The following SLC10A7 variants were observed in gnomAD, a reference collection of about 807,000 sequenced individuals.
SLC10A7 encodes the protein solute carrier family 10 member 7.
A neutral mutation model predicts 43.2 loss-of-function variants in SLC10A7; 29 were observed. That is an observed-to-expected ratio of 0.67 (90% CI 0.50 to 0.92). The LOEUF (loss-of-function observed/expected upper bound fraction) is 0.92, where lower values mean the gene tolerates loss of function less well. Ranked by LOEUF, SLC10A7 falls within the 40% of genes least tolerant of loss-of-function variation. The pLI is 0.00. For synonymous variants in SLC10A7, 152 were observed against 144.8 expected, an observed-to-expected ratio of 1.05 and a Z score of -0.35; for missense variants, 295 against 403.2, an observed-to-expected ratio of 0.73 and a Z score of 2.30.
intron 5 of SLC10A7, among the ~76,000 whole-genome samples, chr4:146,373,437 A>T (rs2149781666): frequency 6.7e-6 from 1 of 148,566 alleles, no homozygotes; most frequent in African/African-American, 2.5e-5. Context: ...TTGCACCACT[A>T]CACTCCAACC....
At chr4:146,272,751 G>A (rs747141776) in intron 10 of SLC10A7, among the ~76,000 whole-genome samples, 3 of 152,114 alleles carry the variant, frequency 2.0e-5, no homozygotes, top group Non-Finnish European at 4.4e-5. Context: ...CACTTCAAAC[G>A]CAGTAAATGA....
intron 5 of SLC10A7, among the ~76,000 whole-genome samples, chr4:146,347,185 C>CT (rs1387442542): frequency 6.6e-6 from 1 of 152,028 alleles, no homozygotes; most frequent in Non-Finnish European, 1.5e-5. Flanking sequence ...TGTGAAAGGC[C>CT]TGTAGACAAG....
intron 7 of SLC10A7, among the ~76,000 whole-genome samples, chr4:146,299,254 C>G (rs1730992939): frequency 6.6e-6 from 1 of 152,162 alleles, no homozygotes; most frequent in African/African-American, 2.4e-5. Flanking sequence ...CACCTGATTC[C>G]TCTGAACTAG....
At chr4:146,463,871 T>G (rs1378043712) in intron 4 of SLC10A7, among the ~76,000 whole-genome samples, 2 of 150,906 alleles carry the variant, frequency 1.3e-5, no homozygotes, top group Non-Finnish European at 3.0e-5. Flanking sequence ...TTGCCCAAGC[T>G]AGAGTGCAGT....
intron 5 of SLC10A7, among the ~76,000 whole-genome samples, chr4:146,377,420 A>AC (rs1175666061): frequency 2.6e-5 from 4 of 152,018 alleles, no homozygotes; most frequent in African/African-American, 9.7e-5. Flanking sequence ...ATTGTAACAC[A>AC]CCCCTGGATG....
chr4:146,521,565 A>C lies in SLC10A7; in HGVS notation c.100+53T>G, dbSNP rs1050814387. On this transcript the variant is annotated intron_variant, in intron 1 of 11. Transcript: ENST00000335472. ...TTGCCCCACCTTTCCAAGACTCACA[A>C]ATTAGTTCTGAAGTGGGAGCCGCGG... The C allele has an allele frequency of 3.3e-6, 5 of 1,493,942 alleles. No individual in the cohort carries two copies. In the African/African-American group the frequency reaches 6.9e-5, roughly 21 times the overall value. 92.5% of individuals were successfully genotyped at this position (1,493,942 alleles called of 1,614,324 possible).
intron 6 of SLC10A7, among the ~76,000 whole-genome samples, chr4:146,307,958 A>G (rs2149684405): frequency 6.6e-6 from 1 of 152,330 alleles, no homozygotes; most frequent in South Asian, 2.1e-4. Flanking sequence ...CATCCTTCGC[A>G]TACCAGACCA....
At chr4:146,442,921 T>A in intron 4 of SLC10A7, 100 bp from the exon 5 acceptor site, 1 of 864,696 alleles carries the variant, frequency 1.2e-6, no homozygotes, top group Non-Finnish European at 1.7e-6. Flanking sequence ...TTCAAAACCT[T>A]AAAACATTGA....
At chr4:146,291,854 TG>T (rs1441412838) in intron 9 of SLC10A7, among the ~76,000 whole-genome samples, 1 of 152,200 alleles carries the variant, frequency 6.6e-6, no homozygotes, top group African/African-American at 2.4e-5. Context: ...AGAGGACACT[TG>T]GGTTATCAGT....
chr4:146,437,971 A>C (rs559457776), intron 5 of SLC10A7, among the ~76,000 whole-genome samples: 1 of 152,118 alleles, frequency 6.6e-6, no homozygotes, highest in African/African-American at 2.4e-5. Context: ...TTTTAAGATC[A>C]GGAGTCACCA....
At chr4:146,337,021 C>G (rs1358650484) in intron 5 of SLC10A7, among the ~76,000 whole-genome samples, 1 of 151,942 alleles carries the variant, frequency 6.6e-6, no homozygotes, top group African/African-American at 2.4e-5. Flanking sequence ...TTTTTCTATC[C>G]AGGTTAAGAG....
chr4:146,386,490 G>C (rs886171727), intron 5 of SLC10A7, among the ~76,000 whole-genome samples: 1 of 152,096 alleles, frequency 6.6e-6, no homozygotes, highest in Non-Finnish European at 1.5e-5. Flanking sequence ...CAAACTCTCT[G>C]TTACTTGCAA....
At chr4:146,495,205 A>G (rs1280995230) in intron 4 of SLC10A7, among the ~76,000 whole-genome samples, 10 of 152,150 alleles carry the variant, frequency 6.6e-5, no homozygotes, top group African/African-American at 2.2e-4. Flanking sequence ...TTTTTCAGAC[A>G]TAAGATTCCT....
rs574893639 is a variant in SLC10A7, at chr4:146,502,212, C to T, written c.396+1637G>A. On this transcript the variant is annotated intron_variant, in intron 4 of 11. Transcript: ENST00000335472. ...GAACCACAATGAGATATCATTACAC[C>T]GTATTAGAATGGCAAAAATTAAAAA... is the stretch of plus-strand genomic sequence containing the variant. Among the ~76,000 whole-genome samples the T allele has an allele frequency of 4.6e-5, 7 of 152,146 alleles. No homozygotes were observed. The East Asian group carries it at 9.6e-4, about 21-fold the overall frequency.
chr4:146,392,449 G>T (rs1162231575), intron 5 of SLC10A7, among the ~76,000 whole-genome samples: 2 of 152,136 alleles, frequency 1.3e-5, no homozygotes, highest in East Asian at 3.8e-4. Context: ...GTATATATGT[G>T]TGGGTCTATA....
intron 10 of SLC10A7, among the ~76,000 whole-genome samples, chr4:146,260,623 G>A (rs78402960): frequency 6.6e-6 from 1 of 152,162 alleles, no homozygotes; most frequent in African/African-American, 2.4e-5. Flanking sequence ...TAAACAAAAA[G>A]TTCTATTGAT....
chr4:146,493,789 G>A (rs1321280949), intron 4 of SLC10A7, among the ~76,000 whole-genome samples: 1 of 152,106 alleles, frequency 6.6e-6, no homozygotes, highest in Non-Finnish European at 1.5e-5. Context: ...AAAACCTGAA[G>A]ACCTATAATG....
At chr4:146,268,873 G>A (rs936970287) in intron 10 of SLC10A7, among the ~76,000 whole-genome samples, 1 of 152,166 alleles carries the variant, frequency 6.6e-6, no homozygotes, top group Non-Finnish European at 1.5e-5. Context: ...AAAAAGGGGT[G>A]CAAGGGGTGC....
chr4:146,420,851 T>C (rs898199976), intron 5 of SLC10A7, among the ~76,000 whole-genome samples: 9 of 151,944 alleles, frequency 5.9e-5, no homozygotes, highest in African/African-American at 1.9e-4. Flanking sequence ...ATAGCAAGAT[T>C]CTGTCTCTAC....
Sources: gnomAD v4.1 joint callset for allele counts (sites outside exome capture counted in the v4.1 genomes callset) on GRCh38, gnomAD v4.1.1 for gene constraint, MANE v1.5 for transcripts, NCBI Gene and HGNC (gene_info 2026-07-23, HGNC 2026-07-21) for gene names.